PDZD7: variants seen among roughly 807,000 people sequenced by gnomAD.
The protein encoded by PDZD7 is PDZ domain containing 7.
Under a neutral mutation model 84.7 loss-of-function variants are expected in PDZD7, and 72 were observed. The observed-to-expected ratio is 0.85, with a 90% confidence interval of 0.70 to 1.03. The LOEUF (loss-of-function observed/expected upper bound fraction) is 1.03. PDZD7 is among the 50% of genes least tolerant of loss of function. PDZD7 has a pLI of 0.00. For synonymous variants in PDZD7, 594 were observed against 580.7 expected, an observed-to-expected ratio of 1.02 and a Z score of -0.33; for missense variants, 1,490 against 1,412.9, an observed-to-expected ratio of 1.05 and a Z score of -0.87.
At chr10:101,019,739 C>T (rs898911659) in intron 7 of PDZD7, among the ~76,000 whole-genome samples, 3 of 151,500 alleles carry the variant, frequency 2.0e-5, no homozygotes, top group Non-Finnish European at 2.9e-5. Context: ...GATTCTTGTG[C>T]CTCAGCTTCC....
rs1052950462 is a variant in PDZD7 at position 101,019,230 on chromosome 10, G to A, written c.929-13C>T. On this transcript the variant is annotated splice_polypyrimidine_tract_variant and intron_variant, in intron 7 of 16. Coordinates refer to ENST00000619208, the MANE Select transcript of PDZD7 (RefSeq NM_001195263.2). ...ACCCCGTTGCTCACTGCAGGGAGTA[G>A]AGAAGCCAGGGATCAGCGGGCTTGC... The A allele has an allele frequency of 1.4e-5, 21 of 1,535,408 alleles. No homozygotes were observed. In the Admixed American group the frequency reaches 3.5e-4, roughly 26 times the overall value.
rs1311096675 is a variant in PDZD7, at chr10:101,015,739, T to C, written c.1646A>G (p.Glu549Gly). 1.9e-6 allele frequency: 3 copies of C among 1,550,142 alleles called. 1 individual carries two copies. In the South Asian group the frequency reaches 3.6e-5, roughly 18 times the overall value. Residue 549 changes from glutamate to glycine, a missense_variant, in exon 11 of 17, where the codon GAG becomes GGG. By Grantham distance (98) the Glu-to-Gly change is moderately conservative. Transcript: ENST00000619208. Reference sequence around the variant, plus strand: ...CCGGCTCTCCCAGGCCTGAACCTGCTCATCCACATTAGGCAGCTGGCTGGA... The same window carrying C: ...CCGGCTCTCCCAGGCCTGAACCTGCCCATCCACATTAGGCAGCTGGCTGGA... ...SPSSQLPNVD[E>G]QVQAWESRRP...
chr10:101,008,173 C>A lies in PDZD7; in HGVS notation c.*294G>T. ...GGGACAGCATGTGAGAAAGTGCCCA[C>A]CAATCCCAAGCTCCAGACCTTGGCT... On this transcript the variant is annotated 3_prime_UTR_variant, in exon 17 of 17. Coordinates refer to ENST00000619208, the MANE Select transcript of PDZD7 (RefSeq NM_001195263.2). 1 of 461,550 alleles carries A rather than the reference C, an allele frequency of 2.2e-6. No homozygotes were observed. 28.6% of individuals were successfully genotyped at this position (461,550 alleles called of 1,614,324 possible).
chr10:101,022,306 G>A lies in PDZD7; in HGVS notation c.622C>T (p.Arg208Trp), dbSNP rs775644699. ...GTTGTGTATAGGTGGACGATGCGCC[G>A]GACACCATCTTCTGAGCTGGTGTCG... ...PSDTSSEDGV[R>W]RIVHLYTTSD... The change falls in exon 5 of 17, where the codon CGG (arginine) becomes TGG (tryptophan). Residue 208 changes from arginine (R) to tryptophan (W), a missense_variant. By Grantham distance (101) the Arg-to-Trp change is moderately radical (BLOSUM62 -3). Transcript: ENST00000619208. 3.7e-5 allele frequency: 60 copies of A among 1,614,032 alleles called. No homozygotes were observed. The Admixed American group carries it at 8.2e-4, about 22-fold the overall frequency.
At chr10:101,028,425 A>G (rs1937847453) in intron 2 of PDZD7, among the ~76,000 whole-genome samples, 1 of 152,054 alleles carries the variant, frequency 6.6e-6, no homozygotes, top group African/African-American at 2.4e-5. Context: ...CTGTCTCTAC[A>G]AAAAATAAAA....
chr10:101,018,410 T>C, intron 8 of PDZD7, 114 bp from the exon 9 acceptor site: 2 of 1,132,462 alleles, frequency 1.8e-6, no homozygotes, highest in Non-Finnish European at 1.3e-6. Flanking sequence ...AGACAGGATC[T>C]GCAGCTACGC....
At chr10:101,024,112 G>A (rs1937584308) in intron 2 of PDZD7, 44 bp from the exon 3 acceptor site, 2 of 1,613,954 alleles carry the variant, frequency 1.2e-6, no homozygotes, top group Non-Finnish European at 1.7e-6. Context: ...TTCATTGTGG[G>A]CACAGAGGGC....
chr10:101,020,520 A>G, intron 7 of PDZD7, 98 bp downstream of exon 7: 1 of 1,160,980 alleles, frequency 8.6e-7, no homozygotes, highest in African/African-American at 1.5e-5. Flanking sequence ...TTACAGGTGT[A>G]AGCCACCAAG....
chr10:101,028,873 G>A (rs1937880347), intron 2 of PDZD7, among the ~76,000 whole-genome samples: 1 of 152,204 alleles, frequency 6.6e-6, no homozygotes, highest in Admixed American at 6.5e-5. Context: ...ATAGACTGGT[G>A]TATGACAGGG....
In PDZD7 at chr10:101,023,572, C is replaced by T. The variant is rs1164787831; in HGVS notation, c.406G>A (p.Val136Met). ...GLCVGDKITEVNGLSLESTTM... is the reference protein window; with the variant it reads ...GLCVGDKITEMNGLSLESTTM... ...GTGCTCTCCAGGCTCAGCCCATTCA[C>T]CTCCGTGATCTTGTCCCCCACGCAC... Residue 136 changes from valine to methionine, a missense_variant, in exon 4 of 17, where the codon GTG becomes ATG. Coordinates refer to ENST00000619208, the MANE Select transcript of PDZD7 (RefSeq NM_001195263.2). 1.8e-5 allele frequency: 29 copies of T among 1,613,642 alleles called. No individual in the cohort carries two copies. The highest frequency in any genetic ancestry group is 2.4e-5 in the Non-Finnish European group (28 of 1,180,044).
At chr10:101,026,302 T>G (rs1937696973) in intron 2 of PDZD7, among the ~76,000 whole-genome samples, 1 of 151,888 alleles carries the variant, frequency 6.6e-6, no homozygotes, top group Non-Finnish European at 1.5e-5. Context: ...GCCGGGCAAA[T>G]TTTTGTACTT....
intron 10 of PDZD7, 109 bp from the exon 11 acceptor site, chr10:101,015,920 A>G (rs1852604131): frequency 1.6e-6 from 2 of 1,216,570 alleles, no homozygotes; most frequent in Non-Finnish European, 2.2e-6. Flanking sequence ...ATCCTAGCCT[A>G]GCCTATATGC....
chr10:101,027,292 A>G (rs1191215837), intron 2 of PDZD7, among the ~76,000 whole-genome samples: 3 of 106,322 alleles, frequency 2.8e-5, no homozygotes, highest in Non-Finnish European at 5.2e-5. Flanking sequence ...AGCTCTGGCC[A>G]CACTGATCTT....
chr10:101,022,037 C>G lies in PDZD7; in HGVS notation c.720-92G>C, dbSNP rs539672762. The stretch of plus-strand genomic sequence containing the variant: ...CCTTCTCTTGGACACAAGACTGCAC[C>G]AGTCAAGGTCCTTGACCCTCCTACT... On this transcript the variant is annotated intron_variant, in intron 5 of 16. Coordinates refer to ENST00000619208, the MANE Select transcript of PDZD7 (RefSeq NM_001195263.2). The G allele has an allele frequency of 7.5e-5, 118 of 1,570,194 alleles. No individual in the cohort carries two copies. In the African/African-American group the frequency reaches 1.5e-3, roughly 20 times the overall value.
intron 8 of PDZD7, among the ~76,000 whole-genome samples, 169 bp from the exon 9 acceptor site, chr10:101,018,465 C>T (rs549070940): frequency 2.0e-5 from 3 of 152,260 alleles, no homozygotes; most frequent in African/African-American, 7.2e-5. Context: ...GACCCTTTTC[C>T]CCACCGCACA....
Position 101,010,276 on chromosome 10 carries a change from G to A in PDZD7, c.2613C>T (p.Ser871=). 6.6e-7 allele frequency: 1 copy of A among 1,525,324 alleles called. No homozygotes were observed. Among genetic ancestry groups the A allele is most frequent in the South Asian group, 1.2e-5 (1 of 83,834 alleles). The allele number at this position is 1,525,324 out of a possible 1,614,324, so 94.5% of individuals were successfully genotyped here. The change falls in exon 15 of 17, where the codon TCC becomes TCT. Residue 871 remains serine, a synonymous_variant. Transcript: ENST00000619208. ...CCCAGTCCCACGTGGACTCACCTAA[G>A]GACTGCTTCATCTTGGACAGTGTCA... The part of the protein sequence containing the change: ...KTVTLSKMKQ[S]LGISISGGIE...
In PDZD7 at chr10:101,008,542, TG is replaced by T. The variant is rs929699116; in HGVS notation, c.3026del (p.Pro1009GlnfsTer36). ...TPPTDARLLQPTPSPAPSPAL... is the reference protein window; with the variant it reads ...TPPTDARLLQXTPSPAPSPAL... ...CTGGGGAGGGGGCTGGGCTGGGAGT[TG>T]GCTGGAGGAGCCTGGCATCAGTGGG... On this transcript the variant is annotated frameshift_variant, in exon 17 of 17. Coordinates refer to ENST00000619208, the MANE Select transcript of PDZD7 (RefSeq NM_001195263.2). LOFTEE classifies it low-confidence loss of function (END_TRUNC). The T allele has an allele frequency of 4.6e-6, 7 of 1,534,656 alleles. No individual in the cohort carries two copies. In the African/African-American group the frequency reaches 9.6e-5, roughly 21 times the overall value.
Position 101,012,024 on chromosome 10 carries a change from A to T in PDZD7, c.1842-8T>A. On this transcript the variant is annotated splice_polypyrimidine_tract_variant and splice_region_variant and intron_variant, in intron 12 of 16. Coordinates refer to ENST00000619208, the MANE Select transcript of PDZD7 (RefSeq NM_001195263.2). ...GTGGGGGCCACCACACTCCTGGGAG[A>T]GGGCGAGAGACAGCAGGGGTGGGAG... 2.6e-6 allele frequency: 4 copies of T among 1,548,332 alleles called. No individual in the cohort carries two copies. The highest frequency in any genetic ancestry group is 1.7e-4 in the Middle Eastern group (1 of 5,884).
rs111750275 is a variant in PDZD7 at position 101,010,351 on chromosome 10, C to T, written c.2538G>A (p.Gly846=). 4 of 1,535,484 alleles carry T rather than the reference C, an allele frequency of 2.6e-6. No homozygotes were observed. The highest frequency in any genetic ancestry group is 2.0e-5 in the Admixed American group (1 of 50,976). ...TCTTCATGGCTGCCTCCTTGGCCGT[C>T]CCCTCAGTTCCACTCTCCGAGGGCC... ...KQGPSESGTE[G]TAKEAAMKNP... The change falls in exon 15 of 17, where the codon GGG becomes GGA. Residue 846 remains glycine, a synonymous_variant. Transcript: ENST00000619208.
Sources: gnomAD v4.1 joint callset for allele counts (sites outside exome capture counted in the v4.1 genomes callset) on GRCh38, gnomAD v4.1.1 for gene constraint, MANE v1.5 for transcripts, NCBI Gene and HGNC (gene_info 2026-07-23, HGNC 2026-07-21) for gene names.